Variants in PICK1 observed in about 807,000 individuals in gnomAD.
PICK1 encodes protein interacting with PRKCA 1.
PICK1 carries 23 observed loss-of-function variants against 48.9 expected under a neutral mutation model. That is an observed-to-expected ratio of 0.47 (90% CI 0.34 to 0.67). The LOEUF is 0.67. PICK1 is among the 30% of genes least tolerant of loss of function. The pLI is 0.01. For synonymous variants in PICK1, 217 were observed against 228.2 expected, an observed-to-expected ratio of 0.95 and a Z score of 0.44; for missense variants, 423 against 557.1, an observed-to-expected ratio of 0.76 and a Z score of 2.42.
chr22:38,059,498 C>G (rs1277373816), intron 3 of PICK1, among the ~76,000 whole-genome samples, 153 bp downstream of exon 3: 1 of 152,206 alleles, frequency 6.6e-6, no homozygotes, highest in Non-Finnish European at 1.5e-5. Flanking sequence ...CTGCGTTGCT[C>G]TGCCCTGTCT....
At chr22:38,058,841 C>T (rs565664526) in intron 2 of PICK1, among the ~76,000 whole-genome samples, 36 of 152,208 alleles carry the variant, frequency 2.4e-4, no homozygotes, top group African/African-American at 8.4e-4. Flanking sequence ...CCCGTCTCTA[C>T]TAAAAATACA....
At chr22:38,071,190 T>C (rs1159082910) in intron 7 of PICK1, among the ~76,000 whole-genome samples, 1 of 151,732 alleles carries the variant, frequency 6.6e-6, no homozygotes, top group Non-Finnish European at 1.5e-5. Context: ...CTACTGAAAA[T>C]ACAAAAATTA....
intron 3 of PICK1, among the ~76,000 whole-genome samples, chr22:38,064,103 G>T (rs1047260581): frequency 6.6e-6 from 1 of 152,044 alleles, no homozygotes; most frequent in Non-Finnish European, 1.5e-5. Context: ...TGTTGCTCAG[G>T]CTGGAGTGCA....
chr22:38,067,806 C>A, intron 5 of PICK1, 36 bp downstream of exon 5: 1 of 1,573,288 alleles, frequency 6.4e-7, no homozygotes, highest in Non-Finnish European at 8.7e-7. Context: ...TGTCCAGCAG[C>A]CTCCCTGGAT....
intron 2 of PICK1, chr22:38,058,146 C>A (rs1387559056): frequency 4.2e-6 from 2 of 473,896 alleles, no homozygotes; most frequent in Admixed American, 3.3e-5. Context: ...TCATGGAGGA[C>A]GTAGCAATTG....
chr22:38,074,942 G>C lies in PICK1; in HGVS notation c.1058G>C (p.Arg353Pro), dbSNP rs767894272. The change falls in exon 13 of 13, where the codon CGG (arginine) becomes CCG (proline). Residue 353 changes from arginine (R) to proline (P), a missense_variant. This residue lies in a region of PICK1 where 144 missense variants were observed against 139.3 expected (regional missense o/e 1.03). Coordinates refer to ENST00000356976, the MANE Select transcript of PICK1 (RefSeq NM_012407.4). The surrounding 1 kb of genome is among the most constrained non-coding windows in gnomAD (Gnocchi z 4.5). ...TACAACGACTGCTACGCAGTGCTGC[G>C]GGATGCCGACGTCTTCCCCATCGAG... is the stretch of plus-strand genomic sequence containing the variant. ...KYYNDCYAVL[R>P]DADVFPIEVD... 2 of 1,613,730 alleles carry C rather than the reference G, an allele frequency of 1.2e-6. No homozygotes were observed. The highest frequency in any genetic ancestry group is 1.7e-6 in the Non-Finnish European group (2 of 1,180,042).
chr22:38,069,998 G>A (rs535674273), intron 6 of PICK1, among the ~76,000 whole-genome samples: 9 of 151,662 alleles, frequency 5.9e-5, no homozygotes, highest in Non-Finnish European at 1.0e-4. Flanking sequence ...CTTTCCTGCC[G>A]CTGGCCAGGT....
intron 6 of PICK1, among the ~76,000 whole-genome samples, chr22:38,070,526 C>A (rs889590039): frequency 6.6e-6 from 1 of 152,250 alleles, no homozygotes; most frequent in African/African-American, 2.4e-5. Flanking sequence ...GCGCTAGAGG[C>A]CTGGCTGCTC....
chr22:38,069,155 G>A (rs775410954), intron 6 of PICK1, 33 bp downstream of exon 6: 64 of 1,507,304 alleles, frequency 4.2e-5, no homozygotes, highest in Non-Finnish European at 5.5e-5. Flanking sequence ...GGGGCCCCGG[G>A]GACTCAAGCC....
Position 38,075,659 on chromosome 22 carries a change from G to A in PICK1, c.*527G>A, listed in dbSNP as rs1005683450. 2 of 157,934 alleles carry A rather than the reference G, an allele frequency of 1.3e-5. No homozygotes were observed. Among genetic ancestry groups the A allele is most frequent in the Admixed American group, 1.2e-4 (2 of 16,752 alleles). 9.8% of individuals were successfully genotyped at this position (157,934 alleles called of 1,614,324 possible). Reference sequence around the variant, plus strand: ...CGGCCACTTCTCTGAAGGAGGGCTGGGTTCTGGGCCTGTATCGAATAAACA... The same window carrying A: ...CGGCCACTTCTCTGAAGGAGGGCTGAGTTCTGGGCCTGTATCGAATAAACA... On this transcript the variant is annotated 3_prime_UTR_variant, in exon 13 of 13. Coordinates refer to ENST00000356976, the MANE Select transcript of PICK1 (RefSeq NM_012407.4).
chr22:38,072,050 C>A (rs2085710113), intron 8 of PICK1: 2 of 504,930 alleles, frequency 4.0e-6, no homozygotes, highest in African/African-American at 1.9e-5. Context: ...CAGCTGACCC[C>A]AGCTACTGCA....
At chr22:38,058,786 A>T (rs1367260539) in intron 2 of PICK1, among the ~76,000 whole-genome samples, 2 of 151,948 alleles carry the variant, frequency 1.3e-5, no homozygotes, top group African/African-American at 2.4e-5. Flanking sequence ...AGGCGGATCA[A>T]CTGAGGTCAG....
intron 1 of PICK1, 66 bp downstream of exon 1, chr22:38,057,653 G>A (rs964244085): frequency 3.1e-6 from 2 of 645,612 alleles, no homozygotes; most frequent in African/African-American, 2.2e-5. Context: ...GGAAGAGGAG[G>A]GCACTGCTGT....
Position 38,074,560 on chromosome 22 carries a change from A to G in PICK1, c.979+109A>G. ...CACGGCCCAGATGTAAAGCCCCTCC[A>G]GGAGCCCAGCCATCTGCCCAGAGCC... On this transcript the variant is annotated intron_variant, in intron 12 of 12. Transcript: ENST00000356976. The surrounding 1 kb of genome is among the most constrained non-coding windows in gnomAD (Gnocchi z 4.5). 1 of 1,450,634 alleles carries G rather than the reference A, an allele frequency of 6.9e-7. No individual in the cohort carries two copies. Among genetic ancestry groups the G allele is most frequent in the Non-Finnish European group, 9.5e-7 (1 of 1,054,668 alleles). The allele number at this position is 1,450,634 out of a possible 1,614,324, so 89.9% of individuals were successfully genotyped here.
At chr22:38,059,898 G>A (rs1011636655) in intron 3 of PICK1, among the ~76,000 whole-genome samples, 1 of 152,100 alleles carries the variant, frequency 6.6e-6, no homozygotes, top group African/African-American at 2.4e-5. Context: ...TCAACAAAAC[G>A]ACCTAACACA....
chr22:38,062,495 G>A (rs1229940286), intron 3 of PICK1, among the ~76,000 whole-genome samples: 1 of 152,120 alleles, frequency 6.6e-6, no homozygotes, highest in Non-Finnish European at 1.5e-5. Context: ...TGATCCACCT[G>A]CCTCGACCTC....
intron 4 of PICK1, among the ~76,000 whole-genome samples, chr22:38,065,974 C>T (rs926468180): frequency 2.0e-5 from 3 of 152,196 alleles, no homozygotes; most frequent in Non-Finnish European, 4.4e-5. Context: ...GATAGTCCGC[C>T]TTCCTGCCTT....
In PICK1 at chr22:38,073,703, G is replaced by T; in HGVS notation, c.784-70G>T. On this transcript the variant is annotated intron_variant, in intron 10 of 12. Transcript: ENST00000356976. This position sits in a 1 kb window ranked among gnomAD's most constrained non-coding sequence, Gnocchi z 5.7. ...CCAGCCTCTCCTGCTGCGTGTGGGT[G>T]ATGGGGGTGGAGCTGGGGACCTGGG... The T allele has an allele frequency of 7.3e-7, 1 of 1,369,140 alleles. No individual in the cohort carries two copies. Among genetic ancestry groups the T allele is most frequent in the South Asian group, 1.2e-5 (1 of 86,238 alleles). The allele number at this position is 1,369,140 out of a possible 1,614,324, so 84.8% of individuals were successfully genotyped here.
chr22:38,067,712 G>T lies in PICK1; in HGVS notation c.291G>T (p.Val97=), dbSNP rs3026689. The T allele has an allele frequency of 2.9e-5, 46 of 1,613,798 alleles. No individual in the cohort carries two copies. In the Admixed American group the frequency reaches 3.2e-4, roughly 11 times the overall value. The change falls in exon 5 of 13, where the codon GTG becomes GTT. Residue 97 remains valine (V), a synonymous_variant. Transcript: ENST00000356976. ...GTGTGCTGCTCTTCCAGGGGGAGGT[G>T]ACCATCCACTACAACAAGCTGCAGG... ...AKMIQEVKGE[V]TIHYNKLQAD...
Sources: allele counts gnomAD v4.1 joint callset (sites outside exome capture counted in the v4.1 genomes callset), GRCh38; gene constraint gnomAD v4.1.1; regional missense constraint gnomAD v4.1.1; non-coding constraint Gnocchi (gnomAD v3.1); transcripts MANE v1.5; gene names NCBI Gene and HGNC (gene_info 2026-07-23, HGNC 2026-07-21).